The following MLIP variants were observed in gnomAD, a reference collection of about 807,000 sequenced individuals.
MLIP encodes muscular LMNA-interacting protein.
MLIP carries 79 observed loss-of-function variants against 84.8 expected under a neutral mutation model. The observed-to-expected ratio is 0.93, with a 90% confidence interval of 0.78 to 1.12. The LOEUF (loss-of-function observed/expected upper bound fraction) is 1.12. Among genes scored for constraint, MLIP ranks in the 50% most tolerant of loss-of-function variants. The probability of loss-of-function intolerance (pLI) is 0.00; values close to 1 mark genes in which losing one functional copy is unlikely to be tolerated. For missense variants in MLIP, 1,257 were observed against 1,160.6 expected (o/e 1.08, Z -1.21); for synonymous variants, 504 against 463.0 (o/e 1.09, Z -1.14).
In MLIP at chr6:54,136,801, A is replaced by G. The variant is rs1490939667; in HGVS notation, c.732A>G (p.Pro244=). 6.5e-7 allele frequency: 1 copy of G among 1,528,512 alleles called. No homozygotes were observed. Among genetic ancestry groups the G allele is most frequent in the African/African-American group, 1.4e-5 (1 of 72,614 alleles). The allele number at this position is 1,528,512 out of a possible 1,614,324, so 94.7% of individuals were successfully genotyped here. Residue 244 remains proline, a synonymous_variant, in exon 4 of 14, where the codon CCA becomes CCG. Coordinates refer to ENST00000502396, the MANE Select transcript of MLIP (RefSeq NM_001281747.2). ...SFVSPTNPNT[P]PDPVNLEGAS... ...TTTCTCCAACTAATCCGAACACACC[A>G]CCCGACCCAGTTAACCTCGAGGGAG...
intron 11 of MLIP, among the ~76,000 whole-genome samples, chr6:54,204,745 A>C (rs755911269): frequency 3.3e-5 from 5 of 152,224 alleles, no homozygotes; most frequent in Non-Finnish European, 7.4e-5. Flanking sequence ...CTATAAAGTA[A>C]GTTTAAAGCT....
chr6:54,120,580 C>T (rs560207560), intron 1 of MLIP, among the ~76,000 whole-genome samples: 4 of 152,264 alleles, frequency 2.6e-5, no homozygotes, highest in South Asian at 4.2e-4. Context: ...ATCTACAATT[C>T]TAATATGACT....
intron 1 of MLIP, among the ~76,000 whole-genome samples, chr6:54,039,063 G>A (rs934062673): frequency 2.0e-5 from 3 of 151,804 alleles, no homozygotes; most frequent in Non-Finnish European, 4.4e-5. Flanking sequence ...ACCAATTTAA[G>A]TAACTTTTTA....
Position 54,042,672 on chromosome 6 carries a change from G to C in MLIP, c.63+23581G>C, listed in dbSNP as rs567200139. Among the ~76,000 whole-genome samples, 3 of 152,290 alleles carry C rather than the reference G, an allele frequency of 2.0e-5. No individual in the cohort carries two copies. In the South Asian group the frequency reaches 6.2e-4, roughly 32 times the overall value. On this transcript the variant is annotated intron_variant, in intron 1 of 12. Transcript: ENST00000274897. Reference sequence around the variant, plus strand: ...CAGAGGAGTTGAAGACAGAGTCTTAGAGTGAAAGGGCAGCAGATCTGGAGT... The same window carrying C: ...CAGAGGAGTTGAAGACAGAGTCTTACAGTGAAAGGGCAGCAGATCTGGAGT...
In MLIP at chr6:54,086,428, A is replaced by G. The variant is rs193074899; in HGVS notation, c.64-35019A>G. Among the ~76,000 whole-genome samples, 4 of 152,206 alleles carry G rather than the reference A, an allele frequency of 2.6e-5. No individual in the cohort carries two copies. The East Asian group carries it at 7.7e-4, about 29-fold the overall frequency. ...TTAGTATTACTTTGTGCTTTTCTTG[A>G]CTGAAATTTGGAATCAGCCATTTCT... On this transcript the variant is annotated intron_variant, in intron 1 of 12. Transcript: ENST00000274897.
At chr6:54,171,924 G>T (rs2150600172) in intron 9 of MLIP, among the ~76,000 whole-genome samples, 1 of 151,632 alleles carries the variant, frequency 6.6e-6, no homozygotes, top group South Asian at 2.1e-4. Context: ...AAACTTTGGA[G>T]AAAGTTGTCA....
At chr6:54,237,420 C>T (rs969054101) in intron 12 of MLIP, among the ~76,000 whole-genome samples, 1 of 152,000 alleles carries the variant, frequency 6.6e-6, no homozygotes, top group Admixed American at 6.6e-5. Flanking sequence ...GCTGCTTAAA[C>T]GTTAAGGACT....
chr6:54,205,113 T>C (rs1778947764), intron 11 of MLIP, among the ~76,000 whole-genome samples: 1 of 152,198 alleles, frequency 6.6e-6, no homozygotes, highest in Non-Finnish European at 1.5e-5. Flanking sequence ...AACTATCATC[T>C]CATTGTGTCC....
intron 4 of MLIP, among the ~76,000 whole-genome samples, chr6:54,143,902 A>G (rs1772549960): frequency 6.6e-6 from 1 of 152,200 alleles, no homozygotes; most frequent in South Asian, 2.1e-4. Flanking sequence ...TAGCAGGCAG[A>G]TAGGGATGGC....
At chr6:54,139,287 A>G (rs1299163094) in intron 4 of MLIP, among the ~76,000 whole-genome samples, 4 of 152,236 alleles carry the variant, frequency 2.6e-5, no homozygotes, top group Non-Finnish European at 5.9e-5. Flanking sequence ...AGGCAAAATT[A>G]ATTGTGTAAG....
At chr6:54,195,504 C>A (rs947862518) in intron 10 of MLIP, among the ~76,000 whole-genome samples, 1 of 152,072 alleles carries the variant, frequency 6.6e-6, no homozygotes, top group Non-Finnish European at 1.5e-5. Context: ...TCTAGGTCAG[C>A]GCTGGTAGTT....
intron 11 of MLIP, among the ~76,000 whole-genome samples, chr6:54,230,046 C>A (rs928037447): frequency 1.3e-5 from 2 of 152,110 alleles, no homozygotes; most frequent in African/African-American, 4.8e-5. Flanking sequence ...TGTTGAAGAC[C>A]CACTTTAGTT....
rs1359901538 is a variant in MLIP at position 54,065,464 on chromosome 6, T to A, written c.63+46373T>A. On this transcript the variant is annotated intron_variant, in intron 1 of 12. Transcript: ENST00000274897. Reference sequence around the variant, plus strand: ...GCACCAAGGATAAATGTTAACTACATCATTATTTCTTTCCAAGGAAAAGCA... The same window carrying A: ...GCACCAAGGATAAATGTTAACTACAACATTATTTCTTTCCAAGGAAAAGCA... 3.0e-5 allele frequency among the ~76,000 whole-genome samples: 3 copies of A among 100,706 alleles called. 1 individual carries two copies. Among genetic ancestry groups the A allele is most frequent in the African/African-American group, 7.6e-5 (3 of 39,218 alleles). The allele number at this position is 100,706 out of a possible 152,430, so 66.1% of individuals were successfully genotyped here. A position where few individuals can be genotyped will look rare whatever the true frequency, so the allele number is the denominator to read the frequency against.
At chr6:54,134,778 T>C (rs1426186308) in intron 3 of MLIP, among the ~76,000 whole-genome samples, 1 of 152,030 alleles carries the variant, frequency 6.6e-6, no homozygotes, top group Non-Finnish European at 1.5e-5. Context: ...TCATATACAT[T>C]AAAGTTATTT....
exon 1 of MLIP, chr6:54,019,020 T>C: frequency 6.2e-7 from 1 of 1,603,308 alleles, no homozygotes; most frequent in Non-Finnish European, 8.5e-7. Context: ...TTTCTCATTC[T>C]CTTTCAATAT....
chr6:54,075,844 C>A (rs1766772728), intron 1 of MLIP, among the ~76,000 whole-genome samples: 1 of 152,188 alleles, frequency 6.6e-6, no homozygotes, highest in South Asian at 2.1e-4. Context: ...CTTCTCTGAT[C>A]TGCCAGGTGA....
chr6:54,235,495 G>A (rs1781302324), intron 12 of MLIP, among the ~76,000 whole-genome samples: 1 of 151,866 alleles, frequency 6.6e-6, no homozygotes, highest in Admixed American at 6.6e-5. Context: ...CATATTATAG[G>A]TCATCTTGTA....
At chr6:54,228,900 A>G (rs1488783797) in intron 11 of MLIP, among the ~76,000 whole-genome samples, 2 of 152,250 alleles carry the variant, frequency 1.3e-5, no homozygotes, top group African/African-American at 2.4e-5. Context: ...ACACTGATTA[A>G]TAATTTTTGT....
Position 54,230,751 on chromosome 6 carries a change from C to T in MLIP, c.2756C>T (p.Pro919Leu), listed in dbSNP as rs768919687. 1.2e-6 allele frequency: 2 copies of T among 1,614,128 alleles called. No individual in the cohort carries two copies. Among genetic ancestry groups the T allele is most frequent in the South Asian group, 2.2e-5 (2 of 91,084 alleles). ...CCTCCCAAGCCTGTCTCGCTCCATC[C>T]TTTATATCAGACTAAACTCTATCCT... ...TVPPKPVSLH[P>L]LYQTKLYPPA... The change falls in exon 12 of 14, where the codon CCT becomes CTT. Residue 919 changes from proline (P) to leucine (L), a missense_variant. By Grantham distance (98) the Pro-to-Leu change is moderately conservative. Transcript: ENST00000502396.
Sources: gnomAD v4.1 joint callset for allele counts (sites outside exome capture counted in the v4.1 genomes callset) on GRCh38, gnomAD v4.1.1 for gene constraint, MANE v1.5 for transcripts, NCBI Gene and HGNC (gene_info 2026-07-23, HGNC 2026-07-21) for gene names.